The following AIMP2 variants were observed in gnomAD, a reference collection of about 807,000 sequenced individuals.
The protein encoded by AIMP2 is aminoacyl tRNA synthetase complex interacting multifunctional protein 2, also known as aminoacyl tRNA synthase complex-interacting multifunctional protein 2.
AIMP2 carries 20 observed loss-of-function variants against 23.4 expected under a neutral mutation model. The observed-to-expected ratio is 0.85, with a 90% CI of 0.60 to 1.24. AIMP2 has a LOEUF of 1.24. AIMP2 is among the 50% of genes most tolerant of loss of function. The probability of loss-of-function intolerance (pLI) is 0.00; values close to 1 mark genes in which losing one functional copy is unlikely to be tolerated. For synonymous variants in AIMP2, 210 were observed against 170.4 expected (o/e 1.23, Z -1.81); for missense variants, 515 against 414.5 (o/e 1.24, Z -2.10).
intron 1 of AIMP2, among the ~76,000 whole-genome samples, chr7:6,011,761 TC>T (rs1449626832): frequency 1.3e-5 from 2 of 152,156 alleles, no homozygotes; most frequent in African/African-American, 4.8e-5. Flanking sequence ...AACTGCACAG[TC>T]CCATGAAGCC....
At chr7:6,009,543 G>T in intron 1 of AIMP2, 45 bp downstream of exon 1, 1 of 1,385,680 alleles carries the variant, frequency 7.2e-7, no homozygotes, top group Non-Finnish European at 9.3e-7. Context: ...CGCGGCGACC[G>T]GCTGCTGGCC....
At chr7:6,020,086 C>T (rs1203908146) in intron 3 of AIMP2, among the ~76,000 whole-genome samples, 1 of 150,672 alleles carries the variant, frequency 6.6e-6, no homozygotes, top group Non-Finnish European at 1.5e-5. Flanking sequence ...GGTGCAAAAA[C>T]CTTGCACTTT....
chr7:6,009,974 A>AAAATATACATAT, intron 1 of AIMP2, among the ~76,000 whole-genome samples: 3 of 26,674 alleles, frequency 1.1e-4, no homozygotes, highest in African/African-American at 2.8e-4. Context: ...AAAAAAAAAA[A>AAAATATACATAT]ATATATATAT....
intron 3 of AIMP2, among the ~76,000 whole-genome samples, chr7:6,021,990 A>T (rs1787459668): frequency 6.6e-6 from 1 of 152,140 alleles, no homozygotes; most frequent in Admixed American, 6.6e-5. Flanking sequence ...AGACAGCAAG[A>T]CCAACCCCTC....
chr7:6,009,974 A>AATATATACATATATATATATATATATAT (rs1554310936), intron 1 of AIMP2, among the ~76,000 whole-genome samples: 3 of 26,660 alleles, frequency 1.1e-4, no homozygotes, highest in Non-Finnish European at 2.0e-4. Context: ...AAAAAAAAAA[A>AATATATACATATATATATATATATATAT]ATATATATAT....
intron 3 of AIMP2, among the ~76,000 whole-genome samples, chr7:6,019,093 T>C (rs1438699800): frequency 6.6e-6 from 1 of 151,696 alleles, no homozygotes; most frequent in East Asian, 1.9e-4. Flanking sequence ...CAGACTGTAC[T>C]GCTGGAATAA....
At chr7:6,021,182 A>G (rs564120246) in intron 3 of AIMP2, among the ~76,000 whole-genome samples, 1 of 152,200 alleles carries the variant, frequency 6.6e-6, no homozygotes, top group South Asian at 2.1e-4. Context: ...TGTCAGTGCT[A>G]TGAAAGAGAA....
chr7:6,020,362 C>T (rs1787307052), intron 3 of AIMP2, among the ~76,000 whole-genome samples: 3 of 151,282 alleles, frequency 2.0e-5, no homozygotes, highest in South Asian at 2.1e-4. Context: ...TGGAGGTTGC[C>T]GTGAGCCGAG....
Position 6,010,337 on chromosome 7 carries a change from C to G in AIMP2, c.135+839C>G, listed in dbSNP as rs533353650. 2.6e-5 allele frequency among the ~76,000 whole-genome samples: 4 copies of G among 151,958 alleles called. No individual in the cohort carries two copies. In the East Asian group the frequency reaches 7.7e-4, roughly 29 times the overall value. On this transcript the variant is annotated intron_variant, in intron 1 of 3. Coordinates refer to ENST00000223029, the MANE Select transcript of AIMP2 (RefSeq NM_006303.4). Reference sequence around the variant, plus strand: ...CACCACTCCATTCTTTCCACTTAAACCTTCCCTCTCCACCCCCAACCCCAG... The same window carrying G: ...CACCACTCCATTCTTTCCACTTAAAGCTTCCCTCTCCACCCCCAACCCCAG...
intron 3 of AIMP2, among the ~76,000 whole-genome samples, chr7:6,021,118 C>T (rs749206190): frequency 1.3e-5 from 2 of 152,016 alleles, no homozygotes; most frequent in East Asian, 1.9e-4. Context: ...ACACCAAGGG[C>T]GTCAAAGTCG....
At chr7:6,012,979 G>A (rs1396839548) in intron 1 of AIMP2, 6 of 984,894 alleles carry the variant, frequency 6.1e-6, no homozygotes, top group Non-Finnish European at 7.2e-6. Flanking sequence ...TGCTGATTAA[G>A]CCCGAAGGTA....
chr7:6,019,261 C>T (rs377457412), intron 3 of AIMP2, among the ~76,000 whole-genome samples: 6 of 144,112 alleles, frequency 4.2e-5, no homozygotes, highest in Admixed American at 2.0e-4. Context: ...GGGCAGATCA[C>T]GAGGTCAGGA....
chr7:6,021,205 A>G (rs993188879), intron 3 of AIMP2, among the ~76,000 whole-genome samples: 2 of 152,060 alleles, frequency 1.3e-5, no homozygotes, highest in African/African-American at 4.8e-5. Context: ...CTGGCTGGGC[A>G]TGGTGGCGCA....
At position 6,009,379 on chromosome 7, in the gene AIMP2, G is replaced by C. The variant is rs139842556; in HGVS notation, c.16G>C (p.Val6Leu). Residue 6 changes from valine to leucine, a missense_variant, in exon 1 of 4, where the codon GTA (valine) becomes CTA (leucine). Val to Leu is a conservative substitution (Grantham distance 32, BLOSUM62 1). Transcript: ENST00000223029. The part of the protein sequence containing the change: MPMYQ[V>L]KPYHGGGAPL... Reference sequence around the variant, plus strand: ...TGGTTCTGCCATGCCGATGTACCAGGTAAAGCCCTATCACGGGGGCGGCGC... The same window carrying C: ...TGGTTCTGCCATGCCGATGTACCAGCTAAAGCCCTATCACGGGGGCGGCGC... 8.2e-4 allele frequency: 1,323 copies of C among 1,611,826 alleles called. 3 individuals carry two copies. Among genetic ancestry groups the C allele is most frequent in the Middle Eastern group, 5.6e-3 (25 of 4,442 alleles).
intron 3 of AIMP2, among the ~76,000 whole-genome samples, chr7:6,019,745 C>T (rs576764848): frequency 1.8e-4 from 28 of 152,144 alleles, no homozygotes; most frequent in African/African-American, 4.8e-4. Context: ...GAAATTTGGT[C>T]GGGCACAGTG....
chr7:6,009,595 A>G, intron 1 of AIMP2, 97 bp downstream of exon 1: 1 of 1,096,988 alleles, frequency 9.1e-7, no homozygotes, highest in Non-Finnish European at 1.2e-6. Flanking sequence ...CAACCGGTTC[A>G]CGGCCCCACC....
intron 1 of AIMP2, among the ~76,000 whole-genome samples, chr7:6,014,490 TC>T (rs772746630): frequency 3.7e-5 from 4 of 107,658 alleles, no homozygotes; most frequent in Admixed American, 9.0e-5. Context: ...ACTCTTGAAA[TC>T]AGGTGATCCA....
chr7:6,021,338 CAAAAAAAAAA>C (rs563523048), intron 3 of AIMP2, among the ~76,000 whole-genome samples: 4 of 65,956 alleles, frequency 6.1e-5, no homozygotes, highest in South Asian at 1.1e-3. Context: ...GACTCCATCT[CAAAAAAAAAA>C]AAAAAAAAAA....
At chr7:6,011,787 G>C (rs561886840) in intron 1 of AIMP2, among the ~76,000 whole-genome samples, 1 of 152,304 alleles carries the variant, frequency 6.6e-6, no homozygotes, top group South Asian at 2.1e-4. Flanking sequence ...AGACAATCCA[G>C]GTTGGAGAAT....
Sources: allele counts gnomAD v4.1 joint callset (sites outside exome capture counted in the v4.1 genomes callset), GRCh38; gene constraint gnomAD v4.1.1; transcripts MANE v1.5; gene names NCBI Gene and HGNC (gene_info 2026-07-23, HGNC 2026-07-21).